The following NWD1 variants were observed in gnomAD, a reference collection of about 807,000 sequenced individuals.
NWD1 encodes NACHT domain- and WD repeat-containing protein 1.
In NWD1, 129 loss-of-function variants were observed where a neutral mutation model predicts 135.1. That is an observed-to-expected ratio of 0.96 (90% CI 0.83 to 1.11). The LOEUF (loss-of-function observed/expected upper bound fraction) is 1.11, where lower values mean the gene tolerates loss of function less well. NWD1 is among the 50% of genes least tolerant of loss of function. The pLI is 0.00. For synonymous variants in NWD1, 773 were observed against 786.0 expected, an observed-to-expected ratio of 0.98 and a Z score of 0.28; for missense variants, 1,740 against 1,851.3, an observed-to-expected ratio of 0.94 and a Z score of 1.10.
At chr19:16,738,149 A>G in intron 4 of NWD1, 1 of 421,538 alleles carries the variant, frequency 2.4e-6, no homozygotes, top group Non-Finnish European at 4.8e-6. Context: ...TCAAGCTATA[A>G]TGGCAGAGTT....
intron 18 of NWD1, among the ~76,000 whole-genome samples, chr19:16,812,428 C>T (rs987455060): frequency 5.3e-5 from 8 of 151,780 alleles, no homozygotes; most frequent in South Asian, 2.1e-4. Context: ...CAGCACTTTG[C>T]GAGACCAAGG....
intron 1 of NWD1, among the ~76,000 whole-genome samples, chr19:16,723,823 G>A (rs1967227264): frequency 1.3e-5 from 2 of 151,992 alleles, no homozygotes; most frequent in Admixed American, 6.6e-5. Flanking sequence ...AGCCCCCCAC[G>A]TAGCTGGGAT....
At chr19:16,813,831 G>A (rs572744117) in intron 18 of NWD1, among the ~76,000 whole-genome samples, 72 of 151,966 alleles carry the variant, frequency 4.7e-4, no homozygotes, top group Non-Finnish European at 6.5e-4. Flanking sequence ...CTCTTGGTCT[G>A]TTCAGTATTA....
chr19:16,736,420 C>T (rs141409055), intron 3 of NWD1, among the ~76,000 whole-genome samples: 2 of 152,088 alleles, frequency 1.3e-5, no homozygotes, highest in Admixed American at 6.6e-5. Flanking sequence ...TCTTGAAGAA[C>T]GCCCTTCCCT....
intron 3 of NWD1, 35 bp downstream of exon 3, chr19:16,731,313 T>C: frequency 1.5e-6 from 2 of 1,331,328 alleles, no homozygotes; most frequent in Non-Finnish European, 2.1e-6. Context: ...CATGCTTTTT[T>C]TATTTTTTTT....
intron 12 of NWD1, among the ~76,000 whole-genome samples, chr19:16,783,537 G>A (rs1040142592): frequency 1.3e-5 from 2 of 152,032 alleles, no homozygotes; most frequent in African/African-American, 4.8e-5. Flanking sequence ...GGGAGGCTGA[G>A]GCAGGAGAAT....
At chr19:16,776,924 A>C (rs1237351574) in intron 11 of NWD1, among the ~76,000 whole-genome samples, 3 of 132,282 alleles carry the variant, frequency 2.3e-5, no homozygotes, top group African/African-American at 9.1e-5. Flanking sequence ...CCTGGGTGAT[A>C]GAGTGAGACC....
chr19:16,756,047 A>T (rs1968782616), intron 6 of NWD1, among the ~76,000 whole-genome samples: 2 of 152,282 alleles, frequency 1.3e-5, no homozygotes, highest in Admixed American at 6.5e-5. Context: ...TACAGACTGT[A>T]TTCCTACAAC....
At chr19:16,768,567 A>G (rs1969309055) in intron 10 of NWD1, among the ~76,000 whole-genome samples, 4 of 145,240 alleles carry the variant, frequency 2.8e-5, no homozygotes, top group Non-Finnish European at 6.0e-5. Flanking sequence ...CTTTTTCTCT[A>G]CCCTTTTATG....
chr19:16,800,644 C>G (rs143071264), intron 17 of NWD1, among the ~76,000 whole-genome samples: 41 of 152,220 alleles, frequency 2.7e-4, no homozygotes, highest in African/African-American at 9.9e-4. Context: ...AAGCAGATCT[C>G]GTGTCTGGTG....
intron 7 of NWD1, among the ~76,000 whole-genome samples, chr19:16,760,694 G>A (rs550316042): frequency 1.3e-5 from 2 of 152,160 alleles, no homozygotes; most frequent in South Asian, 2.1e-4. Context: ...AGGTTTCAGC[G>A]ATTCTCCTGC....
intron 2 of NWD1, 67 bp from the exon 3 acceptor site, chr19:16,731,125 C>A: frequency 2.6e-6 from 2 of 771,496 alleles, no homozygotes; most frequent in Non-Finnish European, 4.2e-6. Context: ...AAAATAAAAG[C>A]AGAGCTATGA....
At position 16,791,251 on chromosome 19, in the gene NWD1, C is replaced by T. The variant is rs558295751; in HGVS notation, c.2941-99C>T. ...TCTGTCTCCAAAAGAAAAGAAAATGCATAAAGTATACAAGAGAAGGCATCT... is the reference window on the plus strand; with the variant it reads ...TCTGTCTCCAAAAGAAAAGAAAATGTATAAAGTATACAAGAGAAGGCATCT... On this transcript the variant is annotated intron_variant, in intron 13 of 18. Transcript: ENST00000524140. The T allele has an allele frequency of 1.6e-5, 17 of 1,052,122 alleles. No homozygotes were observed. In the East Asian group the frequency reaches 4.0e-4, roughly 25 times the overall value. 65.2% of individuals were successfully genotyped at this position (1,052,122 alleles called of 1,614,324 possible).
chr19:16,756,658 A>C (rs1968809758), intron 6 of NWD1, among the ~76,000 whole-genome samples: 1 of 152,094 alleles, frequency 6.6e-6, no homozygotes, highest in Non-Finnish European at 1.5e-5. Flanking sequence ...TGCTACCAGC[A>C]TCTAGTGGGT....
chr19:16,739,518 G>A (rs998468592), intron 4 of NWD1, among the ~76,000 whole-genome samples: 2 of 151,878 alleles, frequency 1.3e-5, no homozygotes, highest in Admixed American at 6.6e-5. Context: ...CTGACCAACC[G>A]GCCCTGGGAC....
At chr19:16,735,823 AAGGAAAGAAGGAAG>A (rs1568337270) in intron 3 of NWD1, among the ~76,000 whole-genome samples, 224 of 58,978 alleles carry the variant, frequency 3.8e-3, no homozygotes, top group South Asian at 5.8e-3. Context: ...GGAAGGAAGG[AAGGAAAGAAGGAAG>A]GAAGGAAGGA....
intron 4 of NWD1, among the ~76,000 whole-genome samples, chr19:16,737,399 C>T (rs1032000772): frequency 2.2e-4 from 33 of 151,946 alleles, no homozygotes; most frequent in African/African-American, 6.3e-4. Flanking sequence ...GTAGCTGGGA[C>T]TACAGGTGTG....
chr19:16,737,158 G>A (rs919284190), intron 4 of NWD1, among the ~76,000 whole-genome samples: 2 of 152,000 alleles, frequency 1.3e-5, no homozygotes, highest in Non-Finnish European at 2.9e-5. Flanking sequence ...TCAGGTCGTG[G>A]GGACTTCTCC....
At chr19:16,723,692 T>G (rs1407134266) in intron 1 of NWD1, among the ~76,000 whole-genome samples, 1 of 149,564 alleles carries the variant, frequency 6.7e-6, no homozygotes, top group Non-Finnish European at 1.5e-5. Context: ...TGTTTTGTTT[T>G]GTTTTGTTTT....
Sources: gnomAD v4.1 joint callset for allele counts (sites outside exome capture counted in the v4.1 genomes callset) on GRCh38, gnomAD v4.1.1 for gene constraint, MANE v1.5 for transcripts, NCBI Gene and HGNC (gene_info 2026-07-23, HGNC 2026-07-21) for gene names.